POLD1: variants seen among roughly 807,000 people sequenced by gnomAD.
POLD1 encodes the protein DNA polymerase delta 1, catalytic subunit.
POLD1 carries 79 observed loss-of-function variants against 129.7 expected under a neutral mutation model. That is an observed-to-expected ratio of 0.61 (90% CI 0.51 to 0.73). The LOEUF is 0.73. Among genes scored for constraint, POLD1 ranks in the 30% least tolerant of loss-of-function variants. POLD1 has a pLI of 0.00. For synonymous variants in POLD1, 714 were observed against 683.3 expected (o/e 1.04, Z -0.70); for missense variants, 1,338 against 1,595.8 (o/e 0.84, Z 2.75).
At chr19:50,403,443 A>C in intron 9 of POLD1, 50 bp from the exon 10 acceptor site, 1 of 1,389,852 alleles carries the variant, frequency 7.2e-7, no homozygotes, top group Non-Finnish European at 1.0e-6. Context: ...AAGTAGGGGA[A>C]TCCGAGGCAG....
At chr19:50,410,887 C>T (rs2039065406) in intron 17 of POLD1, 1 of 152,196 alleles carries the variant, frequency 6.6e-6, no homozygotes, top group South Asian at 2.1e-4. Context: ...CTGCATGGCC[C>T]AGGGCCCTAC....
chr19:50,397,820 A>G (rs2695128), intron 1 of POLD1, among the ~76,000 whole-genome samples: 4,687 of 152,294 alleles, frequency 0.031, 243 homozygotes, highest in African/African-American at 0.11. Context: ...GGGAGAAAGC[A>G]GGTTACTATA....
At chr19:50,391,204 C>T (rs1351515064) in intron 1 of POLD1, among the ~76,000 whole-genome samples, 1 of 151,448 alleles carries the variant, frequency 6.6e-6, no homozygotes, top group Non-Finnish European at 1.5e-5. Context: ...ACGCTCCTCA[C>T]TTCCTAGACG....
In POLD1 at chr19:50,406,921, TCTC is replaced by T. The variant is rs796511772; in HGVS notation, c.1495-59_1495-57del. 3.9e-5 allele frequency: 53 copies of T among 1,358,802 alleles called. No individual in the cohort carries two copies. The African/African-American group carries it at 6.4e-4, about 16-fold the overall frequency. The allele number at this position is 1,358,802 out of a possible 1,614,324, so 84.2% of individuals were successfully genotyped here. ...TACCTCACCCTGACCCCCACTTCCT[TCTC>T]CTGCTCCACCTCCCACCCCCAACCC... On this transcript the variant is annotated intron_variant, in intron 12 of 26. Coordinates refer to ENST00000440232, the MANE Select transcript of POLD1 (RefSeq NM_002691.4). This position sits in a 1 kb window ranked among gnomAD's most constrained non-coding sequence, Gnocchi z 5.5.
At chr19:50,394,321 G>C (rs758498925) in intron 1 of POLD1, among the ~76,000 whole-genome samples, 70 of 152,206 alleles carry the variant, frequency 4.6e-4, no homozygotes, top group Non-Finnish European at 9.4e-4. Flanking sequence ...TGGCCACTCC[G>C]GACACGCAGG....
rs566318357 is a variant in POLD1 at position 50,408,658 on chromosome 19, C to A, written c.1776-127C>A. Reference sequence around the variant, plus strand: ...TCAGCCTCCCAATGTGCTGGGATTGCAGGAGCGAGCACTGCTCCCAGCCAA... The same window carrying A: ...TCAGCCTCCCAATGTGCTGGGATTGAAGGAGCGAGCACTGCTCCCAGCCAA... On this transcript the variant is annotated intron_variant, in intron 14 of 26. Coordinates refer to ENST00000440232, the MANE Select transcript of POLD1 (RefSeq NM_002691.4). 57 of 1,393,178 alleles carry A rather than the reference C, an allele frequency of 4.1e-5. No individual in the cohort carries two copies. In the African/African-American group the frequency reaches 7.3e-4, roughly 18 times the overall value. The allele number at this position is 1,393,178 out of a possible 1,614,324, so 86.3% of individuals were successfully genotyped here. A position where few individuals can be genotyped will look rare whatever the true frequency, so the allele number is the denominator to read the frequency against.
rs373389672 is a variant in POLD1 at position 50,416,513 on chromosome 19, G to A, written c.2938G>A (p.Glu980Lys). The A allele has an allele frequency of 7.7e-6, 12 of 1,552,794 alleles. No homozygotes were observed. In the African/African-American group the frequency reaches 8.2e-5, roughly 11 times the overall value. The stretch of plus-strand genomic sequence containing the variant: ...GCCCATCCTGGGCGAGGGCCGTGCC[G>A]AGGCTGTGCTACTGCGTACGGGGGC... ...FEPILGEGRA[E>K]AVLLRGDHTR... Residue 980 changes from glutamate to lysine, a missense_variant, in exon 23 of 27, where the codon GAG becomes AAG. By Grantham distance (56) the Glu-to-Lys change is moderately conservative. Transcript: ENST00000440232.
At chr19:50,400,772 C>G (rs2038569770) in intron 3 of POLD1, among the ~76,000 whole-genome samples, 1 of 150,768 alleles carries the variant, frequency 6.6e-6, no homozygotes, top group Non-Finnish European at 1.5e-5. Context: ...TCTCGGCTCA[C>G]TGCAAGCTCT....
chr19:50,411,254 A>T (rs1289347110), intron 17 of POLD1, among the ~76,000 whole-genome samples: 2 of 152,182 alleles, frequency 1.3e-5, no homozygotes, highest in Non-Finnish European at 2.9e-5. Flanking sequence ...CACAAAGTGA[A>T]TCGCTCACTG....
Position 50,389,423 on chromosome 19 carries a change from C to G in POLD1, c.-2+5033C>G, listed in dbSNP as rs144870463. ...AGCCGTGAGCCACCGTACCTGGCCT[C>G]CAGCAGTCAGCTCTTAAGAACAGGG... On this transcript the variant is annotated intron_variant, in intron 1 of 26. Transcript: ENST00000440232. 2.7e-3 allele frequency among the ~76,000 whole-genome samples: 415 copies of G among 151,862 alleles called. 3 individuals are homozygous for G. Among genetic ancestry groups the G allele is most frequent in the Non-Finnish European group, 3.9e-3 (264 of 67,906 alleles).
intron 1 of POLD1, among the ~76,000 whole-genome samples, chr19:50,396,378 G>C (rs145438601): frequency 6.6e-6 from 1 of 151,022 alleles, no homozygotes; most frequent in Admixed American, 6.6e-5. Context: ...GTGGGCCACC[G>C]TGCCTAACTC....
At position 50,402,609 on chromosome 19, in the gene POLD1, C is replaced by T. The variant is rs1397759553; in HGVS notation, c.841-3C>T. Reference sequence around the variant, plus strand: ...GCCACCGCTGACCCACCCATGCCCACAGGCTACGCAGTGCCAGCTGGAGGC... The same window carrying T: ...GCCACCGCTGACCCACCCATGCCCATAGGCTACGCAGTGCCAGCTGGAGGC... On this transcript the variant is annotated splice_polypyrimidine_tract_variant and splice_region_variant and intron_variant, in intron 7 of 26. Coordinates refer to ENST00000440232, the MANE Select transcript of POLD1 (RefSeq NM_002691.4). 5.1e-6 allele frequency: 8 copies of T among 1,570,394 alleles called. No individual in the cohort carries two copies. The East Asian group carries it at 1.9e-4, about 37-fold the overall frequency.
rs1341627330 is a variant in POLD1 at position 50,407,433 on chromosome 19, G to T, written c.1775+18G>T. ...CTCAAAGGGTGAGGCCCCAGGCTGGGTGCAGTTTTTACCTGTAATCTCTGG... is the reference window on the plus strand; with the variant it reads ...CTCAAAGGGTGAGGCCCCAGGCTGGTTGCAGTTTTTACCTGTAATCTCTGG... On this transcript the variant is annotated intron_variant, in intron 14 of 26. Transcript: ENST00000440232. The T allele has an allele frequency of 5.8e-6, 9 of 1,553,740 alleles. No homozygotes were observed. Among genetic ancestry groups the T allele is most frequent in the Non-Finnish European group, 7.9e-6 (9 of 1,142,246 alleles).
intron 26 of POLD1, among the ~76,000 whole-genome samples, 171 bp from the exon 27 acceptor site, chr19:50,417,671 T>TCCCCCCCCCCCCCCCCCCCCCCC (rs3840923): frequency 1.2e-4 from 13 of 110,506 alleles, no homozygotes; most frequent in East Asian, 2.9e-4. Flanking sequence ...TGTTATCGGC[T>TCCCCCCCCCCCCCCCCCCCCCCC]CCCCCCCCCC....
chr19:50,410,295 C>A (rs894876102), intron 17 of POLD1, among the ~76,000 whole-genome samples: 1 of 152,226 alleles, frequency 6.6e-6, no homozygotes, highest in African/African-American at 2.4e-5. Context: ...CCTGTCCAGC[C>A]TTCTCCCCTG....
chr19:50,409,729 G>A lies in POLD1; in HGVS notation c.2154+63G>A, dbSNP rs1333826583. 6.6e-7 allele frequency: 1 copy of A among 1,507,466 alleles called. No homozygotes were observed. Among genetic ancestry groups the A allele is most frequent in the Non-Finnish European group, 8.9e-7 (1 of 1,118,950 alleles). 93.4% of individuals were successfully genotyped at this position (1,507,466 alleles called of 1,614,324 possible). On this transcript the variant is annotated intron_variant, in intron 17 of 26. Transcript: ENST00000440232. The surrounding 1 kb of genome is among the most constrained non-coding windows in gnomAD (Gnocchi z 5.8). Reference sequence around the variant, plus strand: ...GTGGGCCCCCTGTGTAGGAGACCAGGGCTCCATGTGGGGGACCTGTATCCA... The same window carrying A: ...GTGGGCCCCCTGTGTAGGAGACCAGAGCTCCATGTGGGGGACCTGTATCCA...
chr19:50,415,307 A>G, intron 20 of POLD1, 131 bp from the exon 21 acceptor site: 1 of 902,698 alleles, frequency 1.1e-6, no homozygotes, highest in Non-Finnish European at 1.7e-6. Context: ...AGCCTATGGT[A>G]GGAAGGGCCC....
chr19:50,395,876 C>CT (rs774272686), intron 1 of POLD1, among the ~76,000 whole-genome samples: 51,865 of 73,658 alleles, frequency 0.7, 20,986 homozygotes, highest in East Asian at 0.83. Flanking sequence ...AGGATATATA[C>CT]TTTTTTTTTT....
chr19:50,393,813 A>G (rs527727981), intron 1 of POLD1, among the ~76,000 whole-genome samples: 10 of 152,248 alleles, frequency 6.6e-5, no homozygotes, highest in African/African-American at 2.2e-4. Context: ...TCATTCCCCC[A>G]GTGTGCACTT....
Sources: allele counts gnomAD v4.1 joint callset (sites outside exome capture counted in the v4.1 genomes callset), GRCh38; gene constraint gnomAD v4.1.1; non-coding constraint Gnocchi (gnomAD v3.1); transcripts MANE v1.5; gene names NCBI Gene and HGNC (gene_info 2026-07-23, HGNC 2026-07-21).